SPOCK3: variants seen among roughly 807,000 people sequenced by gnomAD.
SPOCK3 encodes the protein testican-3.
SPOCK3 carries 30 observed loss-of-function variants against 56.6 expected under a neutral mutation model. That is an observed-to-expected ratio of 0.53 (90% CI 0.40 to 0.72). SPOCK3 has a LOEUF of 0.72. Ranked by LOEUF, SPOCK3 falls within the 30% of genes least tolerant of loss-of-function variation. The probability of loss-of-function intolerance (pLI) is 0.00; values close to 1 mark genes in which losing one functional copy is unlikely to be tolerated. For missense variants in SPOCK3, 527 were observed against 530.0 expected (o/e 0.99, Z 0.06); for synonymous variants, 196 against 183.3 (o/e 1.07, Z -0.56).
At chr4:167,178,474 C>T (rs765069637) in intron 2 of SPOCK3, among the ~76,000 whole-genome samples, 6 of 152,102 alleles carry the variant, frequency 3.9e-5, no homozygotes, top group Admixed American at 6.6e-5. Flanking sequence ...TTAATCAAGT[C>T]ACCAAACTTC....
intron 6 of SPOCK3, among the ~76,000 whole-genome samples, chr4:166,826,033 A>C: frequency 6.6e-6 from 1 of 152,084 alleles, no homozygotes; most frequent in East Asian, 1.9e-4. Flanking sequence ...TTCCCCAAAA[A>C]CTATTAAATT....
chr4:167,151,616 T>A (rs1027359972), intron 2 of SPOCK3, among the ~76,000 whole-genome samples: 1 of 151,914 alleles, frequency 6.6e-6, no homozygotes, highest in Non-Finnish European at 1.5e-5. Flanking sequence ...TTTGTATTTT[T>A]AGTAGAGACG....
chr4:167,166,268 G>A (rs1335684951), intron 2 of SPOCK3, among the ~76,000 whole-genome samples: 1 of 151,972 alleles, frequency 6.6e-6, no homozygotes, highest in African/African-American at 2.4e-5. Context: ...TTAAAAATAA[G>A]AAGTCAGTAC....
chr4:166,904,955 C>G lies in SPOCK3; in HGVS notation c.474+7665G>C, dbSNP rs146477353. Reference sequence around the variant, plus strand: ...AGGTCTTGCTGGGAGTTTTATTGCACAGTACAGTGCTGTGGTTAACTGTGT... The same window carrying G: ...AGGTCTTGCTGGGAGTTTTATTGCAGAGTACAGTGCTGTGGTTAACTGTGT... On this transcript the variant is annotated intron_variant, in intron 5 of 10. Transcript: ENST00000357545. Among the ~76,000 whole-genome samples, 74 of 152,078 alleles carry G rather than the reference C, an allele frequency of 4.9e-4. 1 individual carries two copies. The highest frequency in any genetic ancestry group is 1.7e-3 in the African/African-American group (69 of 41,508).
intron 7 of SPOCK3, among the ~76,000 whole-genome samples, chr4:166,764,752 G>T (rs1579150526): frequency 6.6e-6 from 1 of 152,168 alleles, no homozygotes; most frequent in South Asian, 2.1e-4. Context: ...CTATGTCTTT[G>T]AGGAATCACC....
intron 7 of SPOCK3, among the ~76,000 whole-genome samples, chr4:166,767,975 G>T (rs1560834872): frequency 6.6e-6 from 1 of 150,534 alleles, no homozygotes; most frequent in Middle Eastern, 3.2e-3. Context: ...ATCTTTGTTG[G>T]TTTAAAGTCT....
chr4:166,794,891 C>A (rs1741757049), intron 6 of SPOCK3, among the ~76,000 whole-genome samples: 1 of 152,102 alleles, frequency 6.6e-6, no homozygotes, highest in African/African-American at 2.4e-5. Context: ...GATCCACCCA[C>A]CTCGGCCTCC....
Position 167,050,367 on chromosome 4 carries a change from T to C in SPOCK3, c.235+12125A>G, listed in dbSNP as rs1304704776. ...TTTGGAGTTTGAAACACAATCACAT[T>C]CACAACCATTGGGATAAATTTTAAT... On this transcript the variant is annotated intron_variant, in intron 3 of 10. Transcript: ENST00000357545. Among the ~76,000 whole-genome samples the C allele has an allele frequency of 2.0e-5, 3 of 152,184 alleles. No individual in the cohort carries two copies. In the East Asian group the frequency reaches 5.8e-4, roughly 29 times the overall value.
intron 2 of SPOCK3, among the ~76,000 whole-genome samples, chr4:167,188,901 A>G (rs1393180308): frequency 6.8e-6 from 1 of 146,594 alleles, no homozygotes. Flanking sequence ...AGACAAGAAA[A>G]GAGGTAACCT....
intron 3 of SPOCK3, among the ~76,000 whole-genome samples, chr4:167,012,840 A>G (rs1045910394): frequency 1.3e-5 from 2 of 152,014 alleles, no homozygotes; most frequent in African/African-American, 4.8e-5. Context: ...TTGTAACTCT[A>G]TGCTGTAAAG....
At chr4:167,069,757 C>T (rs2150262824) in intron 2 of SPOCK3, among the ~76,000 whole-genome samples, 1 of 152,048 alleles carries the variant, frequency 6.6e-6, no homozygotes, top group East Asian at 1.9e-4. Context: ...CTACTGAGTA[C>T]CTGATGCTAA....
chr4:166,896,861 C>A (rs1579571694), intron 5 of SPOCK3, among the ~76,000 whole-genome samples: 1 of 152,136 alleles, frequency 6.6e-6, no homozygotes, highest in African/African-American at 2.4e-5. Context: ...GGCCCATGTT[C>A]TTAAATACAG....
intron 5 of SPOCK3, among the ~76,000 whole-genome samples, chr4:166,889,641 C>G (rs949025399): frequency 2.0e-5 from 3 of 151,874 alleles, no homozygotes; most frequent in African/African-American, 7.2e-5. Context: ...CTTAAGTAAG[C>G]ATGTCTTCTC....
chr4:166,813,537 T>A (rs567474753), intron 6 of SPOCK3, among the ~76,000 whole-genome samples: 2 of 151,178 alleles, frequency 1.3e-5, no homozygotes, highest in Admixed American at 1.3e-4. Context: ...AAAAGAAATA[T>A]CCAAAAATAT....
intron 2 of SPOCK3, among the ~76,000 whole-genome samples, chr4:167,112,727 C>T (rs1256426947): frequency 6.6e-6 from 1 of 151,986 alleles, no homozygotes; most frequent in Admixed American, 6.6e-5. Context: ...GAAGAAGCCT[C>T]ACAAAATTGC....
intron 2 of SPOCK3, among the ~76,000 whole-genome samples, chr4:167,121,174 A>G (rs114248899): frequency 0.013 from 1,916 of 150,962 alleles, 24 homozygotes; most frequent in Non-Finnish European, 0.018. Context: ...AATAATATAT[A>G]ATTTATATAA....
intron 3 of SPOCK3, among the ~76,000 whole-genome samples, chr4:167,014,581 G>A (rs1390733629): frequency 6.6e-6 from 1 of 152,066 alleles, no homozygotes; most frequent in African/African-American, 2.4e-5. Context: ...CTTAAGTTCA[G>A]GAGTTCGAGG....
chr4:166,995,406 A>G (rs1460029238), intron 4 of SPOCK3, among the ~76,000 whole-genome samples: 2 of 152,046 alleles, frequency 1.3e-5, no homozygotes, highest in Non-Finnish European at 2.9e-5. Context: ...AATTTTAAAA[A>G]CTTTTGCAAA....
chr4:166,901,144 C>T (rs2127055829), intron 5 of SPOCK3, among the ~76,000 whole-genome samples: 1 of 152,240 alleles, frequency 6.6e-6, no homozygotes, highest in East Asian at 1.9e-4. Flanking sequence ...CACCTGTCAA[C>T]ACCATCAGAC....
Sources: gnomAD v4.1 joint callset for allele counts (sites outside exome capture counted in the v4.1 genomes callset) on GRCh38, gnomAD v4.1.1 for gene constraint, MANE v1.5 for transcripts, NCBI Gene and HGNC (gene_info 2026-07-23, HGNC 2026-07-21) for gene names.